Variants in ATE1 observed in about 807,000 individuals in gnomAD.
ATE1 encodes the protein arginyltransferase 1, also known as arginyl-tRNA--protein transferase 1.
In ATE1, 36 loss-of-function variants were observed where a neutral mutation model predicts 70.5. That is an observed-to-expected ratio of 0.51 (90% CI 0.39 to 0.67). The LOEUF (loss-of-function observed/expected upper bound fraction) is 0.67, where lower values mean the gene tolerates loss of function less well. ATE1 is among the 30% of genes least tolerant of loss of function. The pLI, the probability that ATE1 is intolerant of heterozygous loss-of-function variation, is 0.00. For synonymous variants in ATE1, 232 were observed against 219.3 expected (o/e 1.06, Z -0.51); for missense variants, 593 against 629.5 (o/e 0.94, Z 0.62).
At chr10:121,851,090 C>CAAAA (rs10603053) in intron 8 of ATE1, among the ~76,000 whole-genome samples, 763 of 43,234 alleles carry the variant, frequency 0.018, 79 homozygotes, top group East Asian at 0.025. Flanking sequence ...GACTCCATCT[C>CAAAA]AAAAAAAAAA....
chr10:121,816,477 C>A (rs1162479739), intron 10 of ATE1, among the ~76,000 whole-genome samples: 3 of 152,118 alleles, frequency 2.0e-5, no homozygotes, highest in Admixed American at 6.5e-5. Flanking sequence ...CTAGCTTAGG[C>A]CCCTTTCACT....
intron 10 of ATE1, among the ~76,000 whole-genome samples, chr10:121,803,649 T>G (rs980420451): frequency 6.6e-5 from 10 of 152,200 alleles, no homozygotes; most frequent in Non-Finnish European, 1.5e-4. Flanking sequence ...AAAAACAGTT[T>G]CCTACAAATA....
chr10:121,785,808 A>C (rs565695299), intron 11 of ATE1, among the ~76,000 whole-genome samples: 3 of 152,330 alleles, frequency 2.0e-5, no homozygotes, highest in African/African-American at 7.2e-5. Flanking sequence ...TCTTTATAGC[A>C]AATTTAAATT....
intron 8 of ATE1, among the ~76,000 whole-genome samples, chr10:121,862,532 A>ATTTTT (rs35130703): frequency 4.6e-3 from 482 of 105,328 alleles, no homozygotes; most frequent in African/African-American, 0.014. Context: ...AATTTTTTTA[A>ATTTTT]TTTTTTTTTT....
In ATE1 at chr10:121,791,071, T is replaced by TAC. The variant is rs1564840876; in HGVS notation, c.1258-783_1258-782insGT. On this transcript the variant is annotated intron_variant, in intron 10 of 11. Transcript: ENST00000224652. ...ATATGTATACGTGTGTGTGTGTGTG[T>TAC]GTGTGTGTGTGTGTGTGTATATATA... Among the ~76,000 whole-genome samples the TAC allele has an allele frequency of 1.2e-3, 58 of 50,030 alleles. 1 individual carries two copies. The South Asian group carries it at 0.015, about 13-fold the overall frequency. 32.8% of individuals were successfully genotyped at this position (50,030 alleles called of 152,430 possible). A position where few individuals can be genotyped will look rare whatever the true frequency, so the allele number is the denominator to read the frequency against.
intron 11 of ATE1, among the ~76,000 whole-genome samples, chr10:121,764,093 TG>T (rs1184088143): frequency 6.6e-6 from 1 of 151,896 alleles, no homozygotes; most frequent in Non-Finnish European, 1.5e-5. Flanking sequence ...GCTCATCAAC[TG>T]TAATAAATGT....
chr10:121,803,388 A>T (rs1327615556), intron 10 of ATE1, among the ~76,000 whole-genome samples: 1 of 152,216 alleles, frequency 6.6e-6, no homozygotes, highest in East Asian at 1.9e-4. Flanking sequence ...AAGTTAAGTG[A>T]CTTGATCAAG....
At chr10:121,917,251 G>C (rs1951698182) in intron 3 of ATE1, among the ~76,000 whole-genome samples, 1 of 151,970 alleles carries the variant, frequency 6.6e-6, no homozygotes, top group Non-Finnish European at 1.5e-5. Context: ...GCTCCACAAG[G>C]GACTTTTCTC....
chr10:121,785,683 A>G (rs1252234718), intron 11 of ATE1, among the ~76,000 whole-genome samples: 3 of 152,218 alleles, frequency 2.0e-5, no homozygotes, highest in Non-Finnish European at 4.4e-5. Context: ...ACTAGGTACG[A>G]GCTTCTTTAC....
chr10:121,773,446 G>T (rs11200141), intron 11 of ATE1, among the ~76,000 whole-genome samples: 2,421 of 152,200 alleles, frequency 0.016, 60 homozygotes, highest in African/African-American at 0.049. Flanking sequence ...GGCCCATCTT[G>T]GGACTCTCTC....
At chr10:121,895,725 A>G (rs1950754963) in intron 7 of ATE1, among the ~76,000 whole-genome samples, 1 of 152,154 alleles carries the variant, frequency 6.6e-6, no homozygotes, top group South Asian at 2.1e-4. Flanking sequence ...GGAGTTTAAG[A>G]CCAGCCTGGC....
chr10:121,894,534 A>G (rs1950701784), intron 7 of ATE1, among the ~76,000 whole-genome samples: 7 of 152,202 alleles, frequency 4.6e-5, no homozygotes, highest in Admixed American at 4.6e-4. Flanking sequence ...AATCACATAC[A>G]TAAGAGACTT....
At chr10:121,902,338 CCCAAACAAAAAAAAATCATAA>C in intron 6 of ATE1, 32 bp downstream of exon 6, 1 of 1,489,040 alleles carries the variant, frequency 6.7e-7, no homozygotes, top group Non-Finnish European at 9.2e-7. Flanking sequence ...AAACGATATG[CCCAAACAAAAAAAAATCATAA>C]TAAAACAAAC....
chr10:121,795,371 G>A (rs1323299392), intron 10 of ATE1, among the ~76,000 whole-genome samples: 1 of 152,150 alleles, frequency 6.6e-6, no homozygotes, highest in Admixed American at 6.5e-5. Flanking sequence ...CATGCCTCTC[G>A]ATAATTCACA....
At chr10:121,784,383 T>TTA (rs1946121883) in intron 11 of ATE1, among the ~76,000 whole-genome samples, 2 of 152,210 alleles carry the variant, frequency 1.3e-5, no homozygotes. Context: ...AAGTAAAACA[T>TTA]TATACTTCAG....
At chr10:121,927,441 C>A in intron 1 of ATE1, 2 of 985,242 alleles carry the variant, frequency 2.0e-6, no homozygotes, top group Non-Finnish European at 2.4e-6. Context: ...TGTGCACACC[C>A]ACAGCTCCCT....
chr10:121,761,626 T>C (rs1385706577), intron 11 of ATE1, among the ~76,000 whole-genome samples: 1 of 152,160 alleles, frequency 6.6e-6, no homozygotes, highest in Non-Finnish European at 1.5e-5. Flanking sequence ...GTCTGTGGTA[T>C]AACCCCAATT....
At chr10:121,906,503 T>C (rs543424404) in intron 5 of ATE1, among the ~76,000 whole-genome samples, 16 of 151,336 alleles carry the variant, frequency 1.1e-4, no homozygotes, top group African/African-American at 3.9e-4. Flanking sequence ...CACTCCAGCC[T>C]GGGAGACAGA....
chr10:121,921,083 TTTTA>T (rs1321558945), intron 3 of ATE1, among the ~76,000 whole-genome samples: 1 of 152,116 alleles, frequency 6.6e-6, no homozygotes, highest in African/African-American at 2.4e-5. Context: ...TTTTTTCAAC[TTTTA>T]TTTTAGATTC....
Sources: allele counts gnomAD v4.1 joint callset (sites outside exome capture counted in the v4.1 genomes callset), GRCh38; gene constraint gnomAD v4.1.1; transcripts MANE v1.5; gene names NCBI Gene and HGNC (gene_info 2026-07-23, HGNC 2026-07-21).